The following TNFRSF19 variants were observed in gnomAD, a reference collection of about 807,000 sequenced individuals.
TNFRSF19 encodes TNF receptor superfamily member 19.
Under a neutral mutation model 46.4 loss-of-function variants are expected in TNFRSF19, and 27 were observed. That is an observed-to-expected ratio of 0.58 (90% CI 0.43 to 0.80). The LOEUF is 0.80. Among genes scored for constraint, TNFRSF19 ranks in the 30% least tolerant of loss-of-function variants. The probability of loss-of-function intolerance (pLI) is 0.00; values close to 1 mark genes in which losing one functional copy is unlikely to be tolerated. For synonymous variants in TNFRSF19, 204 were observed against 205.0 expected (o/e 1.00, Z 0.04); for missense variants, 511 against 530.8 (o/e 0.96, Z 0.37).
intron 3 of TNFRSF19, among the ~76,000 whole-genome samples, chr13:23,614,708 T>C (rs1203406909): frequency 6.7e-6 from 1 of 149,218 alleles, no homozygotes; most frequent in African/African-American, 2.5e-5. Context: ...TTACCAACAG[T>C]GTGTAGTCCT....
chr13:23,572,578 A>G (rs1877701592), intron 1 of TNFRSF19, among the ~76,000 whole-genome samples: 1 of 152,174 alleles, frequency 6.6e-6, no homozygotes, highest in South Asian at 2.1e-4. Flanking sequence ...AACAAAGGGG[A>G]GAATTAGCAA....
intron 1 of TNFRSF19, among the ~76,000 whole-genome samples, chr13:23,576,162 C>T (rs1344808525): frequency 3.4e-5 from 5 of 148,192 alleles, no homozygotes; most frequent in Admixed American, 1.3e-4. Context: ...GAGACCGAGT[C>T]TTGCTCTGTC....
At chr13:23,614,412 G>C (rs921586198) in intron 3 of TNFRSF19, among the ~76,000 whole-genome samples, 10 of 152,180 alleles carry the variant, frequency 6.6e-5, no homozygotes, top group Non-Finnish European at 1.2e-4. Flanking sequence ...GTACTGCTTA[G>C]TTGATTTCGT....
chr13:23,571,076 T>C (rs1877606840), intron 1 of TNFRSF19, among the ~76,000 whole-genome samples: 1 of 152,220 alleles, frequency 6.6e-6, no homozygotes, highest in Non-Finnish European at 1.5e-5. Flanking sequence ...CAGTCTGTCA[T>C]ACAAATTTTA....
chr13:23,643,649 A>G (rs1303180841), intron 5 of TNFRSF19, among the ~76,000 whole-genome samples: 3 of 152,200 alleles, frequency 2.0e-5, no homozygotes. Flanking sequence ...GAGGATGGCA[A>G]TAAAACAATG....
chr13:23,573,319 G>A (rs933484838), intron 1 of TNFRSF19, among the ~76,000 whole-genome samples: 1 of 151,950 alleles, frequency 6.6e-6, no homozygotes, highest in Non-Finnish European at 1.5e-5. Flanking sequence ...AGCTGGATTC[G>A]TCTGATTATT....
chr13:23,673,217 G>A (rs573662698), intron 9 of TNFRSF19, among the ~76,000 whole-genome samples, 155 bp from the exon 10 acceptor site: 1 of 152,232 alleles, frequency 6.6e-6, no homozygotes, highest in Non-Finnish European at 1.5e-5. Context: ...CTGGATATTT[G>A]GATACTATTG....
chr13:23,626,983 G>T (rs947463038), intron 5 of TNFRSF19, among the ~76,000 whole-genome samples, 191 bp downstream of exon 5: 2 of 152,130 alleles, frequency 1.3e-5, no homozygotes, highest in Admixed American at 1.3e-4. Context: ...TCAGCAAACC[G>T]GTCCCAGGGA....
At chr13:23,611,624 A>G (rs935067985) in intron 3 of TNFRSF19, among the ~76,000 whole-genome samples, 4 of 152,196 alleles carry the variant, frequency 2.6e-5, no homozygotes, top group African/African-American at 9.7e-5. Context: ...AAAAGGCTAA[A>G]CTCAAACATA....
At chr13:23,609,623 C>A (rs749059466) in intron 3 of TNFRSF19, among the ~76,000 whole-genome samples, 10 of 152,172 alleles carry the variant, frequency 6.6e-5, no homozygotes, top group Non-Finnish European at 1.0e-4. Context: ...GTAAACTTTT[C>A]TAACCAATTA....
At chr13:23,582,393 T>G (rs1434381062) in intron 1 of TNFRSF19, among the ~76,000 whole-genome samples, 4 of 151,814 alleles carry the variant, frequency 2.6e-5, no homozygotes, top group African/African-American at 9.7e-5. Context: ...AGTGCGAGAC[T>G]CCGTCTCAAA....
rs543580113 is a variant in TNFRSF19 at position 23,662,858 on chromosome 13, G to A, written c.736+2368G>A. Among the ~76,000 whole-genome samples the A allele has an allele frequency of 1.3e-4, 20 of 152,226 alleles. No individual in the cohort carries two copies. In the South Asian group the frequency reaches 3.1e-3, roughly 24 times the overall value. On this transcript the variant is annotated intron_variant, in intron 7 of 9. Transcript: ENST00000248484. The stretch of plus-strand genomic sequence containing the variant: ...AGAAGAATACTAATGATTTTTGTAC[G>A]TAGATTTTGTATCCTGGAACTTTGC...
intron 9 of TNFRSF19, among the ~76,000 whole-genome samples, chr13:23,671,618 C>A (rs1951763289): frequency 6.6e-6 from 1 of 152,166 alleles, no homozygotes; most frequent in African/African-American, 2.4e-5. Context: ...CAAGGTCCAA[C>A]CAAGTGTTTA....
At chr13:23,652,312 A>G (rs1383566676) in intron 5 of TNFRSF19, among the ~76,000 whole-genome samples, 1 of 152,184 alleles carries the variant, frequency 6.6e-6, no homozygotes, top group Non-Finnish European at 1.5e-5. Flanking sequence ...AGCTCACCTG[A>G]TAGTTCCTGA....
At chr13:23,602,635 T>A (rs977898388) in intron 3 of TNFRSF19, among the ~76,000 whole-genome samples, 1 of 152,046 alleles carries the variant, frequency 6.6e-6, no homozygotes, top group Admixed American at 6.6e-5. Context: ...TTAACAAAGG[T>A]AAAAGCATAG....
intron 3 of TNFRSF19, among the ~76,000 whole-genome samples, chr13:23,612,359 T>C (rs1014746996): frequency 2.6e-5 from 4 of 152,226 alleles, no homozygotes; most frequent in Admixed American, 2.0e-4. Flanking sequence ...GACATTTATA[T>C]TGGGGGTAAT....
intron 3 of TNFRSF19, among the ~76,000 whole-genome samples, chr13:23,609,471 C>T (rs1316931985): frequency 2.0e-5 from 3 of 152,130 alleles, no homozygotes; most frequent in African/African-American, 7.2e-5. Flanking sequence ...CTAGAATTCG[C>T]CCAGCCCCAG....
chr13:23,596,218 C>G (rs1879712947), intron 3 of TNFRSF19, among the ~76,000 whole-genome samples: 1 of 152,160 alleles, frequency 6.6e-6, no homozygotes, highest in Non-Finnish European at 1.5e-5. Context: ...AAATAACCAG[C>G]TAGCATCATA....
chr13:23,646,500 C>T (rs879338698), intron 5 of TNFRSF19, among the ~76,000 whole-genome samples: 2 of 152,126 alleles, frequency 1.3e-5, no homozygotes, highest in African/African-American at 2.4e-5. Flanking sequence ...ATGAATTTGC[C>T]AATTCTAGGT....
Sources: allele counts gnomAD v4.1 joint callset (sites outside exome capture counted in the v4.1 genomes callset), GRCh38; gene constraint gnomAD v4.1.1; transcripts MANE v1.5; gene names NCBI Gene and HGNC (gene_info 2026-07-23, HGNC 2026-07-21).